Variants in NFIB observed in about 807,000 individuals in gnomAD.
NFIB encodes nuclear factor I B.
In NFIB, 11 loss-of-function variants were observed where a neutral mutation model predicts 61.5. The ratio of observed to expected loss-of-function variants is 0.18; its 90% CI spans 0.11 to 0.30. The LOEUF is 0.30. Ranked by LOEUF, NFIB falls within the 10% of genes least tolerant of loss-of-function variation. The probability of loss-of-function intolerance (pLI) is 1.00; values close to 1 mark genes in which losing one functional copy is unlikely to be tolerated. For synonymous variants in NFIB, 260 were observed against 216.5 expected (o/e 1.20, Z -1.76); for missense variants, 471 against 608.9 (o/e 0.77, Z 2.38).
intron 2 of NFIB, among the ~76,000 whole-genome samples, chr9:14,282,503 C>A (rs1046459357): frequency 3.3e-5 from 5 of 152,160 alleles, no homozygotes; most frequent in Admixed American, 2.6e-4. Flanking sequence ...GTCCAAATTA[C>A]AAGTGATGTG....
chr9:14,527,065 A>C, the NFIB span, among the ~76,000 whole-genome samples: 1 of 152,216 alleles, frequency 6.6e-6, no homozygotes, highest in Admixed American at 6.5e-5. Flanking sequence ...ATTCCCACAT[A>C]AGAAAGTATC....
chr9:14,256,359 A>G (rs1306011256), intron 2 of NFIB, among the ~76,000 whole-genome samples: 4 of 152,206 alleles, frequency 2.6e-5, no homozygotes, highest in Admixed American at 6.5e-5. Context: ...CTGCACATTT[A>G]GAAATAAATA....
intron 3 of NFIB, among the ~76,000 whole-genome samples, chr9:14,178,584 C>T (rs1275154112): frequency 1.3e-5 from 2 of 151,862 alleles, no homozygotes; most frequent in Non-Finnish European, 2.9e-5. Context: ...TTGTACAATA[C>T]AGAATTAATA....
rs544162821 is a variant in NFIB at position 14,125,737 on chromosome 9, G to C, written c.955C>G (p.Pro319Ala). ...GCAGAGCTGAACAATGGCTTTTCAG[G>C]CTTCTTCATAGTAGTCGGAGAAGAC... Reference protein sequence around the residue: ...DMSSPTTMKKPEKPLFSSASP... With the variant: ...DMSSPTTMKKAEKPLFSSASP... Residue 319 changes from proline to alanine, a missense_variant, in exon 7 of 11, where the codon CCT becomes GCT. Physicochemically the swap from Pro to Ala is conservative, Grantham distance 27. Coordinates refer to ENST00000380953, the MANE Select transcript of NFIB (RefSeq NM_001190737.2). 2.0e-5 allele frequency: 32 copies of C among 1,614,096 alleles called. No homozygotes were observed. In the East Asian group the frequency reaches 3.8e-4, roughly 19 times the overall value.
At chr9:14,220,841 CTACACACACA>C (rs1480800463) in intron 2 of NFIB, among the ~76,000 whole-genome samples, 1 of 43,110 alleles carries the variant, frequency 2.3e-5, no homozygotes, top group Non-Finnish European at 5.0e-5. Context: ...ATCAATCTCC[CTACACACACA>C]CACACACACA....
Position 14,087,696 on chromosome 9 carries a change from T to A in NFIB, c.*613A>T, listed in dbSNP as rs2033078617. On this transcript the variant is annotated 3_prime_UTR_variant, in exon 11 of 11. Coordinates refer to ENST00000380953, the MANE Select transcript of NFIB (RefSeq NM_001190737.2). Reference sequence around the variant, plus strand: ...ACTGATAACTAAAGGCTACAGAGATTTCATATATTTTTTTTAACTTTTAGA... The same window carrying A: ...ACTGATAACTAAAGGCTACAGAGATATCATATATTTTTTTTAACTTTTAGA... The A allele has an allele frequency of 4.6e-6, 1 of 217,754 alleles. No individual in the cohort carries two copies. Among genetic ancestry groups the A allele is most frequent in the African/African-American group, 2.3e-5 (1 of 44,418 alleles). The allele number at this position is 217,754 out of a possible 1,614,324, so 13.5% of individuals were successfully genotyped here. A position where few individuals can be genotyped will look rare whatever the true frequency, so the allele number is the denominator to read the frequency against.
At chr9:14,311,088 A>C (rs919956374) in intron 1 of NFIB, among the ~76,000 whole-genome samples, 31 of 152,234 alleles carry the variant, frequency 2.0e-4, no homozygotes, top group Admixed American at 9.8e-4. Context: ...GATAGTTCTT[A>C]ATTTTTCCTT....
the NFIB span, among the ~76,000 whole-genome samples, chr9:14,527,777 T>C: frequency 1.3e-5 from 2 of 152,210 alleles, no homozygotes; most frequent in Non-Finnish European, 2.9e-5. Context: ...ATGTATGGTA[T>C]GGTATCTATT....
At chr9:14,496,474 A>C in the NFIB span, among the ~76,000 whole-genome samples, 1 of 152,086 alleles carries the variant, frequency 6.6e-6, no homozygotes, top group Admixed American at 6.6e-5. Flanking sequence ...CAGATTGAGG[A>C]TGTTCAACGT....
At chr9:14,262,833 A>T (rs988750401) in intron 2 of NFIB, among the ~76,000 whole-genome samples, 11 of 152,282 alleles carry the variant, frequency 7.2e-5, no homozygotes, top group Non-Finnish European at 1.3e-4. Flanking sequence ...ACCAGTTTCA[A>T]CATGAAACTG....
the NFIB span, among the ~76,000 whole-genome samples, chr9:14,486,888 T>C: frequency 5.3e-5 from 8 of 152,214 alleles, no homozygotes; most frequent in Non-Finnish European, 1.2e-4. Context: ...TTTAAAATTA[T>C]AAAAATGATA....
the NFIB span, among the ~76,000 whole-genome samples, chr9:14,458,813 A>T: frequency 2.6e-5 from 4 of 151,990 alleles, no homozygotes; most frequent in African/African-American, 9.7e-5. Flanking sequence ...CTTACAAGGG[A>T]TGTGAAGGAC....
the NFIB span, among the ~76,000 whole-genome samples, chr9:14,489,453 A>C: frequency 3.3e-3 from 509 of 152,316 alleles, 1 homozygote; most frequent in Admixed American, 7.8e-3. Context: ...AACTCCTTGA[A>C]TGTGGAGACC....
At chr9:14,500,128 A>G in the NFIB span, among the ~76,000 whole-genome samples, 1 of 152,100 alleles carries the variant, frequency 6.6e-6, no homozygotes, top group Non-Finnish European at 1.5e-5. Context: ...TCTCCAGCAT[A>G]TGTAGGTACT....
chr9:14,449,490 T>A, the NFIB span, among the ~76,000 whole-genome samples: 6 of 152,312 alleles, frequency 3.9e-5, no homozygotes, highest in Admixed American at 2.6e-4. Flanking sequence ...CAGTCGGAAA[T>A]ATTCAAATGA....
the NFIB span, among the ~76,000 whole-genome samples, chr9:14,496,468 T>C: frequency 6.6e-6 from 1 of 152,286 alleles, no homozygotes; most frequent in East Asian, 1.9e-4. Flanking sequence ...GATTTTCAGA[T>C]TGAGGATGTT....
intron 2 of NFIB, among the ~76,000 whole-genome samples, chr9:14,231,075 T>C (rs749357037): frequency 8.7e-5 from 11 of 126,006 alleles, no homozygotes; most frequent in Non-Finnish European, 1.8e-4. Context: ...AAGAAATAAA[T>C]ACAACAGGGA....
the NFIB span, among the ~76,000 whole-genome samples, chr9:14,495,445 A>ATTTTTTTTTTTTTTTTTTTTTTT: frequency 2.0e-5 from 2 of 98,082 alleles, no homozygotes; most frequent in African/African-American, 5.4e-5. Context: ...AGAGAAATGA[A>ATTTTTTTTTTTTTTTTTTTTTTT]CTTTTTTTTT....
chr9:14,222,503 T>A (rs991190903), intron 2 of NFIB, among the ~76,000 whole-genome samples: 5 of 152,152 alleles, frequency 3.3e-5, no homozygotes, highest in African/African-American at 1.2e-4. Context: ...TCATTAAGTT[T>A]AGAAATCTGC....
Sources: allele counts gnomAD v4.1 joint callset (sites outside exome capture counted in the v4.1 genomes callset), GRCh38; gene constraint gnomAD v4.1.1; transcripts MANE v1.5; gene names NCBI Gene and HGNC (gene_info 2026-07-23, HGNC 2026-07-21).